The following TRPS1 variants were observed in gnomAD, a reference collection of about 807,000 sequenced individuals.
TRPS1 encodes the protein zinc finger transcription factor Trps1.
A neutral mutation model predicts 101.2 loss-of-function variants in TRPS1; 6 were observed. That is an observed-to-expected ratio of 0.06 (90% confidence interval 0.03 to 0.12). The LOEUF (loss-of-function observed/expected upper bound fraction) is 0.12. Ranked by LOEUF, TRPS1 falls within the 10% of genes least tolerant of loss-of-function variation. The pLI is 1.00. For missense variants in TRPS1, 1,363 were observed against 1,567.0 expected (o/e 0.87, Z 2.20); for synonymous variants, 578 against 589.8 (o/e 0.98, Z 0.29).
intron 5 of TRPS1, among the ~76,000 whole-genome samples, chr8:115,449,070 C>A (rs1177241047): frequency 6.6e-6 from 1 of 151,924 alleles, no homozygotes; most frequent in Non-Finnish European, 1.5e-5. Flanking sequence ...AAGGATCTAA[C>A]CTATTATAAT....
chr8:115,569,636 C>A (rs1162695350), intron 5 of TRPS1, among the ~76,000 whole-genome samples: 3 of 152,064 alleles, frequency 2.0e-5, no homozygotes. Context: ...TCTTATCACA[C>A]TTTCTGGGCT....
At chr8:115,452,189 C>A (rs1354829759) in intron 5 of TRPS1, among the ~76,000 whole-genome samples, 1 of 152,166 alleles carries the variant, frequency 6.6e-6, no homozygotes, top group Non-Finnish European at 1.5e-5. Flanking sequence ...TAACTCCCTG[C>A]ATTTCACTTG....
chr8:115,551,005 C>T (rs976864177), intron 5 of TRPS1, among the ~76,000 whole-genome samples: 22 of 152,100 alleles, frequency 1.4e-4, no homozygotes, highest in Non-Finnish European at 2.8e-4. Flanking sequence ...GATACAAACA[C>T]GGAGGACTTC....
At chr8:115,504,645 A>G (rs1187490462) in intron 5 of TRPS1, among the ~76,000 whole-genome samples, 2 of 152,134 alleles carry the variant, frequency 1.3e-5, no homozygotes, top group African/African-American at 2.4e-5. Context: ...TAAGGGAAAT[A>G]GTTTTCCTAG....
At chr8:115,558,768 A>C (rs1816882915) in intron 5 of TRPS1, among the ~76,000 whole-genome samples, 1 of 152,154 alleles carries the variant, frequency 6.6e-6, no homozygotes. Context: ...GAGTTATCAA[A>C]TTATCTAGAA....
chr8:115,492,591 G>A (rs1815055391), intron 5 of TRPS1, among the ~76,000 whole-genome samples: 1 of 151,916 alleles, frequency 6.6e-6, no homozygotes, highest in East Asian at 1.9e-4. Context: ...GGAAACTGAG[G>A]GACAGATAAT....
chr8:115,416,144 TCTTTA>T (rs1812913619), intron 6 of TRPS1, among the ~76,000 whole-genome samples: 1 of 152,160 alleles, frequency 6.6e-6, no homozygotes, highest in Non-Finnish European at 1.5e-5. Context: ...GTCATTCTAC[TCTTTA>T]CTTAAAGTAA....
At chr8:115,601,780 T>C (rs1238587936) in intron 4 of TRPS1, among the ~76,000 whole-genome samples, 1 of 152,128 alleles carries the variant, frequency 6.6e-6, no homozygotes, top group African/African-American at 2.4e-5. Flanking sequence ...CACCTGGAAA[T>C]CTCAGCTTAT....
chr8:115,554,140 A>C (rs1816764575), intron 5 of TRPS1, among the ~76,000 whole-genome samples: 1 of 152,192 alleles, frequency 6.6e-6, no homozygotes, highest in African/African-American at 2.4e-5. Flanking sequence ...CCCATTCACT[A>C]AACTAGTTCC....
chr8:115,476,589 A>C (rs1814613242), intron 5 of TRPS1, among the ~76,000 whole-genome samples: 1 of 152,180 alleles, frequency 6.6e-6, no homozygotes, highest in Admixed American at 6.5e-5. Flanking sequence ...TTTTGAAGAA[A>C]ATCATATTGT....
At chr8:115,478,606 C>T (rs187075185) in intron 5 of TRPS1, among the ~76,000 whole-genome samples, 25 of 152,038 alleles carry the variant, frequency 1.6e-4, no homozygotes, top group Middle Eastern at 3.4e-3. Flanking sequence ...GAGTTTGAGA[C>T]CAGCCCGGCC....
chr8:115,425,774 T>C (rs1352736423), intron 5 of TRPS1, among the ~76,000 whole-genome samples: 1 of 152,178 alleles, frequency 6.6e-6, no homozygotes, highest in Non-Finnish European at 1.5e-5. Context: ...ATTACACAGA[T>C]CTGAGGACCC....
At chr8:115,534,508 T>C (rs1206247405) in intron 5 of TRPS1, among the ~76,000 whole-genome samples, 2 of 152,240 alleles carry the variant, frequency 1.3e-5, no homozygotes, top group Non-Finnish European at 2.9e-5. Flanking sequence ...ACCATCATAC[T>C]GGAGGTTGAA....
chr8:115,433,424 T>A (rs115808696), intron 5 of TRPS1, among the ~76,000 whole-genome samples: 1 of 152,100 alleles, frequency 6.6e-6, no homozygotes, highest in East Asian at 1.9e-4. Flanking sequence ...TAATATTTAG[T>A]ATTGCAACTA....
intron 5 of TRPS1, among the ~76,000 whole-genome samples, chr8:115,523,206 C>T (rs986684038): frequency 1.3e-5 from 2 of 151,852 alleles, no homozygotes; most frequent in South Asian, 4.1e-4. Context: ...TGTAAAGGAC[C>T]GGGAAAGGCA....
intron 5 of TRPS1, among the ~76,000 whole-genome samples, chr8:115,483,385 T>G (rs1814802543): frequency 6.6e-6 from 1 of 151,692 alleles, no homozygotes; most frequent in South Asian, 2.1e-4. Context: ...ATACAAAAAT[T>G]AACCAGGCAT....
At chr8:115,531,938 C>T (rs901743467) in intron 5 of TRPS1, among the ~76,000 whole-genome samples, 2 of 151,932 alleles carry the variant, frequency 1.3e-5, no homozygotes, top group Non-Finnish European at 2.9e-5. Flanking sequence ...GGTCACAGAT[C>T]GGGGTTTCTG....
At chr8:115,517,533 T>A (rs1815746245) in intron 5 of TRPS1, among the ~76,000 whole-genome samples, 1 of 147,034 alleles carries the variant, frequency 6.8e-6, no homozygotes, top group African/African-American at 2.5e-5. Flanking sequence ...ATTAGTAACA[T>A]TAAAATAACA....
intron 4 of TRPS1, among the ~76,000 whole-genome samples, chr8:115,592,579 C>A (rs560112658): frequency 2.6e-5 from 4 of 152,114 alleles, no homozygotes; most frequent in Non-Finnish European, 5.9e-5. Context: ...TTGAACAACT[C>A]CTTTCTCCTT....
Sources: gnomAD v4.1 joint callset for allele counts (sites outside exome capture counted in the v4.1 genomes callset) on GRCh38, gnomAD v4.1.1 for gene constraint, MANE v1.5 for transcripts, NCBI Gene and HGNC (gene_info 2026-07-23, HGNC 2026-07-21) for gene names.